Variants in EIF5B observed in about 807,000 individuals in gnomAD.
The protein encoded by EIF5B is eukaryotic translation initiation factor 5B.
In EIF5B, 47 loss-of-function variants were observed where a neutral mutation model predicts 147.5. That is an observed-to-expected ratio of 0.32 (90% CI 0.25 to 0.41). The LOEUF (loss-of-function observed/expected upper bound fraction) is 0.41, where lower values mean the gene tolerates loss of function less well. Among genes scored for constraint, EIF5B ranks in the 10% least tolerant of loss-of-function variants. The probability of loss-of-function intolerance (pLI) is 1.00; values close to 1 mark genes in which losing one functional copy is unlikely to be tolerated. For synonymous variants in EIF5B, 455 were observed against 456.2 expected, an observed-to-expected ratio of 1.00 and a Z score of 0.03; for missense variants, 1,064 against 1,413.2, an observed-to-expected ratio of 0.75 and a Z score of 3.96.
chr2:99,393,617 TC>T (rs374053770), intron 18 of EIF5B, among the ~76,000 whole-genome samples: 145 of 152,344 alleles, frequency 9.5e-4, no homozygotes, highest in African/African-American at 3.4e-3. Context: ...ATACAACTGT[TC>T]CCAGCACATG....
At chr2:99,344,911 G>C (rs1276005863) in intron 1 of EIF5B, among the ~76,000 whole-genome samples, 1 of 151,932 alleles carries the variant, frequency 6.6e-6, no homozygotes, top group African/African-American at 2.4e-5. Context: ...CCATTATCTT[G>C]ATACAACCTC....
In EIF5B at chr2:99,390,413, C is replaced by G. The variant is rs779175572; in HGVS notation, c.2586+12C>G. The G allele has an allele frequency of 3.8e-6, 6 of 1,573,758 alleles. No homozygotes were observed. Among genetic ancestry groups the G allele is most frequent in the Non-Finnish European group, 5.1e-6 (6 of 1,167,908 alleles). ...CACAGGTGATGGAGGTAATGATCAACTTTTCAGTTTATTGTTTTTTTTTTT... is the reference window on the plus strand; with the variant it reads ...CACAGGTGATGGAGGTAATGATCAAGTTTTCAGTTTATTGTTTTTTTTTTT... On this transcript the variant is annotated intron_variant, in intron 16 of 23. Coordinates refer to ENST00000289371, the MANE Select transcript of EIF5B (RefSeq NM_015904.4).
At chr2:99,349,153 A>G (rs1413385818) in intron 1 of EIF5B, among the ~76,000 whole-genome samples, 1 of 152,262 alleles carries the variant, frequency 6.6e-6, no homozygotes, top group Non-Finnish European at 1.5e-5. Flanking sequence ...GCAAGCAGTC[A>G]TACAACTCCC....
In EIF5B at chr2:99,390,649, G is replaced by A. The variant is rs1288219109; in HGVS notation, c.2692G>A (p.Val898Ile). Reference protein sequence around the residue: ...IIVPGVEGPIVTQIRGLLLPP... With the variant: ...IIVPGVEGPIITQIRGLLLPP... ...TGTTCCTGGAGTAGAAGGGCCCATT[G>A]TAACTCAGATTCGAGGCCTCCTGTT... The change falls in exon 17 of 24, where the codon GTA becomes ATA. Residue 898 changes from valine (V) to isoleucine (I), a missense_variant. Val to Ile is a conservative substitution (Grantham distance 29). This residue lies in a region of EIF5B where 380 missense variants were observed against 715.6 expected (regional missense o/e 0.53). Coordinates refer to ENST00000289371, the MANE Select transcript of EIF5B (RefSeq NM_015904.4). 10 of 1,612,174 alleles carry A rather than the reference G, an allele frequency of 6.2e-6. No homozygotes were observed. Among genetic ancestry groups the A allele is most frequent in the Non-Finnish European group, 8.5e-6 (10 of 1,178,486 alleles).
intron 1 of EIF5B, among the ~76,000 whole-genome samples, chr2:99,341,011 A>C (rs2105333087): frequency 6.6e-6 from 1 of 152,108 alleles, no homozygotes; most frequent in Non-Finnish European, 1.5e-5. Flanking sequence ...TGATCCTCCC[A>C]CCCTGGCCTC....
At position 99,337,396 on chromosome 2, in the gene EIF5B, A is replaced by C. The variant is rs988085746; in HGVS notation, c.-159A>C. 2.0e-5 allele frequency: 18 copies of C among 880,922 alleles called. 1 individual carries two copies. Among genetic ancestry groups the C allele is most frequent in the Non-Finnish European group, 3.1e-5 (17 of 546,972 alleles). 54.6% of individuals were successfully genotyped at this position (880,922 alleles called of 1,614,324 possible). On this transcript the variant is annotated 5_prime_UTR_variant, in exon 1 of 24. The change abolishes an upstream ATG in the 5' untranslated region. Coordinates refer to ENST00000289371, the MANE Select transcript of EIF5B (RefSeq NM_015904.4). ...CTTGCGCACTGAGAACTCACACCATATGTGTCCTGTTCCAGTGCGCGGGTC... is the reference window on the plus strand; with the variant it reads ...CTTGCGCACTGAGAACTCACACCATCTGTGTCCTGTTCCAGTGCGCGGGTC...
rs202124160 is a variant in EIF5B at position 99,382,178 on chromosome 2, G to A, written c.2081G>A (p.Arg694Gln). 9.3e-4 allele frequency: 1,494 copies of A among 1,612,728 alleles called. No homozygotes were observed. Among genetic ancestry groups the A allele is most frequent in the Non-Finnish European group, 1.2e-3 (1,378 of 1,179,326 alleles). Residue 694 changes from arginine (R) to glutamine (Q), a missense_variant, in exon 13 of 24, where the codon CGG becomes CAG. This residue lies in a region of EIF5B where 380 missense variants were observed against 715.6 expected (regional missense o/e 0.53). Coordinates refer to ENST00000289371, the MANE Select transcript of EIF5B (RefSeq NM_015904.4). ...MIKNFDRENV[R>Q]IPGMLIIDTP... is the part of the protein sequence containing the mutation. ...TTCTAGTTTGATAGAGAGAATGTACGGATTCCAGGAATGCTAATTATTGAT... is the reference window on the plus strand; with the variant it reads ...TTCTAGTTTGATAGAGAGAATGTACAGATTCCAGGAATGCTAATTATTGAT...
In EIF5B at chr2:99,390,310, G is replaced by A; in HGVS notation, c.2495G>A (p.Gly832Glu). 6.2e-7 allele frequency: 1 copy of A among 1,614,122 alleles called. No homozygotes were observed. Among genetic ancestry groups the A allele is most frequent in the Non-Finnish European group, 8.5e-7 (1 of 1,180,022 alleles). ...TCTGCACATACTGGTGATGGCATGG[G>A]AAGTCTGATCTACCTTCTTGTAGAG... is the stretch of plus-strand genomic sequence containing the variant. ...PTSAHTGDGM[G>E]SLIYLLVELT... The change falls in exon 16 of 24, where the codon GGA becomes GAA. Residue 832 changes from glycine (G) to glutamate (E), a missense_variant. By Grantham distance (98) the Gly-to-Glu change is moderately conservative. Transcript: ENST00000289371.
intron 22 of EIF5B, 141 bp from the exon 23 acceptor site, chr2:99,398,607 A>G (rs1675118474): frequency 1.3e-5 from 11 of 839,206 alleles, no homozygotes; most frequent in Non-Finnish European, 2.0e-5. Flanking sequence ...AAAATGTTAC[A>G]CCGTGAGTGA....
chr2:99,395,448 C>G (rs1675023353), intron 21 of EIF5B, among the ~76,000 whole-genome samples: 1 of 152,234 alleles, frequency 6.6e-6, no homozygotes, highest in Non-Finnish European at 1.5e-5. Context: ...ATCCTCCCAC[C>G]TTGGCCTCCC....
At chr2:99,372,930 T>C (rs982883455) in intron 9 of EIF5B, among the ~76,000 whole-genome samples, 17 of 152,164 alleles carry the variant, frequency 1.1e-4, no homozygotes, top group African/African-American at 4.1e-4. Flanking sequence ...TGATCTGTTT[T>C]TTCTCTCTGT....
intron 17 of EIF5B, among the ~76,000 whole-genome samples, chr2:99,392,330 G>A (rs144118920): frequency 2.4e-4 from 36 of 152,056 alleles, no homozygotes; most frequent in African/African-American, 8.4e-4. Context: ...GTGAGCCACC[G>A]CACCCGGCCC....
intron 1 of EIF5B, among the ~76,000 whole-genome samples, chr2:99,351,200 C>CT (rs1673945920): frequency 6.6e-6 from 1 of 152,218 alleles, no homozygotes; most frequent in Non-Finnish European, 1.5e-5. Context: ...GAATGATAGA[C>CT]TACATAGTCC....
At chr2:99,383,916 C>T (rs1248797604) in intron 14 of EIF5B, among the ~76,000 whole-genome samples, 1 of 152,192 alleles carries the variant, frequency 6.6e-6, no homozygotes, top group African/African-American at 2.4e-5. Context: ...AGCCAGTGCT[C>T]ATTGACCATT....
intron 9 of EIF5B, among the ~76,000 whole-genome samples, chr2:99,374,064 G>A (rs1674512397): frequency 1.3e-5 from 2 of 152,046 alleles, no homozygotes; most frequent in African/African-American, 2.4e-5. Flanking sequence ...CGAGGTGGGC[G>A]GATCACTTGA....
intron 12 of EIF5B, among the ~76,000 whole-genome samples, chr2:99,381,014 C>T (rs1388390885): frequency 1.3e-5 from 2 of 152,234 alleles, no homozygotes; most frequent in Non-Finnish European, 2.9e-5. Flanking sequence ...TGAATTTCGT[C>T]TTTTTATAAG....
At chr2:99,386,571 A>G (rs989393290) in intron 14 of EIF5B, among the ~76,000 whole-genome samples, 5 of 146,982 alleles carry the variant, frequency 3.4e-5, no homozygotes, top group Admixed American at 2.8e-4. Context: ...GCTGTTGCCC[A>G]GGCTGGAGTG....
Position 99,376,545 on chromosome 2 carries a change from G to C in EIF5B, c.1751G>C (p.Ser584Thr), listed in dbSNP as rs945422460. Residue 584 changes from serine to threonine, a missense_variant, in exon 10 of 24, where the codon AGT (serine) becomes ACT (threonine). Coordinates refer to ENST00000289371, the MANE Select transcript of EIF5B (RefSeq NM_015904.4). ...GGGAAGACATTAGATAAAAAGCCAA[G>C]TAAAGAAATGAGCTCAGATTCTGAA... The part of the protein sequence containing the change: ...DSGKTLDKKP[S>T]KEMSSDSEYD... 6.2e-7 allele frequency: 1 copy of C among 1,613,882 alleles called. No homozygotes were observed. Among genetic ancestry groups the C allele is most frequent in the African/African-American group, 1.3e-5 (1 of 74,900 alleles).
chr2:99,356,785 A>G (rs2105342270), intron 1 of EIF5B, among the ~76,000 whole-genome samples: 1 of 152,188 alleles, frequency 6.6e-6, no homozygotes, highest in Admixed American at 6.5e-5. Flanking sequence ...AGGAATTGGT[A>G]TTGTCAGTTT....
Sources: gnomAD v4.1 joint callset for allele counts (sites outside exome capture counted in the v4.1 genomes callset) on GRCh38, gnomAD v4.1.1 for gene constraint, gnomAD v4.1.1 regional missense constraint, MANE v1.5 for transcripts, NCBI Gene and HGNC (gene_info 2026-07-23, HGNC 2026-07-21) for gene names.